Variants in SPACA5 observed in about 807,000 individuals in gnomAD.
SPACA5 encodes sperm acrosome associated 5, also known as sperm acrosome-associated protein 5.
At chrX:48,004,551 G>T (rs1211566418), upstream of SPACA5, 2 of 54,701 alleles carry the variant, frequency 3.7e-5, no homozygotes, top group African/African-American at 1.5e-4. Context: ...CACACCGGGG[G>T]TGAAGGGGTA....
upstream of SPACA5, among the ~76,000 whole-genome samples, chrX:48,006,412 C>A (rs1402839473): frequency 4.4e-5 from 5 of 114,838 alleles, no homozygotes; most frequent in East Asian, 1.3e-3. Flanking sequence ...GAATGGGGTG[C>A]GGGAGGGACA....
chrX:48,006,579 G>A (rs1319397145), upstream of SPACA5, among the ~76,000 whole-genome samples: 1 of 107,052 alleles, frequency 9.3e-6, no homozygotes, highest in Admixed American at 1.0e-4. Context: ...GGATCCCAGT[G>A]GGAATCGGCA....
chrX:48,004,503 A>T (rs1163222232), upstream of SPACA5: 3 of 72,520 alleles, frequency 4.1e-5, no homozygotes, highest in African/African-American at 1.6e-4. Context: ...CGGTATGCAG[A>T]CAAACAAGCT....
upstream of SPACA5, among the ~76,000 whole-genome samples, chrX:48,006,259 G>A (rs782685684): frequency 8.8e-6 from 1 of 113,992 alleles, no homozygotes; most frequent in South Asian, 3.5e-4. Flanking sequence ...AACTGAAGGG[G>A]GTGAATGTGA....
At chrX:48,006,114 T>C (rs1467435967), upstream of SPACA5, among the ~76,000 whole-genome samples, 2 of 109,284 alleles carry the variant, frequency 1.8e-5, no homozygotes, top group Non-Finnish European at 3.8e-5. Context: ...TGGGCCAAAG[T>C]GAGGGAATGA....
chrX:48,006,288 C>T (rs1431068685), upstream of SPACA5, among the ~76,000 whole-genome samples: 1 of 113,289 alleles, frequency 8.8e-6, no homozygotes, highest in African/African-American at 3.2e-5. Flanking sequence ...TATGTGAGTA[C>T]TGAGGATTAG....
upstream of SPACA5, among the ~76,000 whole-genome samples, chrX:48,006,340 AAG>A (rs1209042902): frequency 2.6e-5 from 3 of 114,785 alleles, no homozygotes; most frequent in East Asian, 2.7e-4. Flanking sequence ...AAGATGAATG[AAG>A]AGAGGGGAAT....
At chrX:48,006,526 T>C (rs1163204629), upstream of SPACA5, among the ~76,000 whole-genome samples, 2 of 113,863 alleles carry the variant, frequency 1.8e-5, no homozygotes, top group Admixed American at 1.8e-4. Flanking sequence ...TGGGATTACA[T>C]GGGCGTTATA....
At chrX:48,006,280 T>C (rs2058995838), upstream of SPACA5, among the ~76,000 whole-genome samples, 1 of 113,802 alleles carries the variant, frequency 8.8e-6, no homozygotes, top group African/African-American at 3.2e-5. Flanking sequence ...GTGGAGTTTA[T>C]GTGAGTACTG....
upstream of SPACA5, chrX:48,004,502 GACAA>G (rs1397224074): frequency 1.4e-5 from 1 of 71,096 alleles, no homozygotes; most frequent in African/African-American, 5.5e-5. Context: ...TCGGTATGCA[GACAA>G]ACAAGCTGAA....
Sources: gnomAD v4.1 joint callset for allele counts (sites outside exome capture counted in the v4.1 genomes callset) on GRCh38, gnomAD v4.1.1 for gene constraint, MANE v1.5 for transcripts, NCBI Gene and HGNC (gene_info 2026-07-23, HGNC 2026-07-21) for gene names.